The following NXPE2 variants were observed in gnomAD, a reference collection of about 807,000 sequenced individuals.
The protein encoded by NXPE2 is NXPE family member 2.
A neutral mutation model predicts 34.4 loss-of-function variants in NXPE2; 34 were observed. The ratio of observed to expected loss-of-function variants is 0.99; its 90% CI spans 0.75 to 1.31. The LOEUF is 1.31. Among genes scored for constraint, NXPE2 ranks in the 40% most tolerant of loss-of-function variants. NXPE2 has a pLI of 0.00. For missense variants in NXPE2, 649 were observed against 672.5 expected, an observed-to-expected ratio of 0.97 and a Z score of 0.39; for synonymous variants, 235 against 231.3, an observed-to-expected ratio of 1.02 and a Z score of -0.15.
the NXPE2 span, among the ~76,000 whole-genome samples, chr11:114,774,433 G>A: frequency 6.6e-6 from 1 of 152,200 alleles, no homozygotes; most frequent in Non-Finnish European, 1.5e-5. Flanking sequence ...GAAGCAAGAT[G>A]TGAAGGAGGC....
chr11:114,566,286 T>C, the NXPE2 span, among the ~76,000 whole-genome samples: 3 of 151,978 alleles, frequency 2.0e-5, no homozygotes, highest in Admixed American at 6.6e-5. Flanking sequence ...AGTGGATGCA[T>C]AGGAATGAAC....
chr11:114,633,416 G>T, the NXPE2 span, among the ~76,000 whole-genome samples: 2 of 142,342 alleles, frequency 1.4e-5, no homozygotes, highest in Admixed American at 7.3e-5. Context: ...TTTATTATAT[G>T]TTATATACAA....
the NXPE2 span, among the ~76,000 whole-genome samples, chr11:114,465,695 A>G: frequency 6.6e-5 from 10 of 152,170 alleles, no homozygotes; most frequent in Non-Finnish European, 1.2e-4. Context: ...TTACAATAAA[A>G]ATACAATAAC....
At position 114,706,632 on chromosome 11, in the gene NXPE2, T is replaced by G. The variant is rs2135576015; in HGVS notation, c.1382T>G (p.Ile461Ser). 1 of 1,551,888 alleles carries G rather than the reference T, an allele frequency of 6.4e-7. No individual in the cohort carries two copies. Among genetic ancestry groups the G allele is most frequent in the South Asian group, 1.2e-5 (1 of 84,056 alleles). The change falls in exon 6 of 6, where the codon ATT becomes AGT. Residue 461 changes from isoleucine (I) to serine (S), a missense_variant. By Grantham distance (142) the Ile-to-Ser change is moderately radical. Transcript: ENST00000389586. ...CACTTCAGACCCTTTCCCATCAACA[T>G]TTTCATCCGTAGGGCCATCAATATT... Reference protein sequence around the residue: ...GQHFRPFPINIFIRRAINIQK... With the variant: ...GQHFRPFPINSFIRRAINIQK...
rs766428797 is a variant in NXPE2 at position 114,698,610 on chromosome 11, T to C, written c.698T>C (p.Leu233Pro). ...RSSNVFTECG[L>P]TLNTNAELCQ... ...TCCAATGTCTTCACTGAATGTGGCC[T>C]GACCCTAAACACAAATGCTGAACTG... The change falls in exon 3 of 6, where the codon CTG becomes CCG. Residue 233 changes from leucine to proline, a missense_variant. Transcript: ENST00000389586. 15 of 1,614,094 alleles carry C rather than the reference T, an allele frequency of 9.3e-6. No homozygotes were observed. The highest frequency in any genetic ancestry group is 1.3e-5 in the African/African-American group (1 of 74,936).
chr11:114,679,954 G>T (rs78219111), intron 2 of NXPE2, among the ~76,000 whole-genome samples, 192 bp downstream of exon 2: 2,127 of 152,172 alleles, frequency 0.014, 37 homozygotes, highest in African/African-American at 0.049. Flanking sequence ...AAATGGCAAT[G>T]TATACATTAT....
At chr11:114,727,774 AACACACACAC>A in the NXPE2 span, among the ~76,000 whole-genome samples, 641 of 127,632 alleles carry the variant, frequency 5.0e-3, 5 homozygotes, top group African/African-American at 0.014. Flanking sequence ...ATGTGTACAC[AACACACACAC>A]ACACACACAC....
chr11:114,619,524 G>A, the NXPE2 span, among the ~76,000 whole-genome samples: 1 of 148,620 alleles, frequency 6.7e-6, no homozygotes, highest in South Asian at 2.2e-4. Context: ...ACTGTTACCC[G>A]GTGGAGGATA....
the NXPE2 span, among the ~76,000 whole-genome samples, chr11:114,722,097 C>T: frequency 6.6e-6 from 1 of 152,198 alleles, no homozygotes; most frequent in African/African-American, 2.4e-5. Flanking sequence ...CTTATTCTCA[C>T]ATTTCCCAGA....
the NXPE2 span, among the ~76,000 whole-genome samples, chr11:114,659,137 A>C: frequency 4.6e-5 from 7 of 152,196 alleles, no homozygotes; most frequent in South Asian, 8.3e-4. Context: ...ATGGCTCAGG[A>C]GAAGATGTGT....
the NXPE2 span, among the ~76,000 whole-genome samples, chr11:114,807,231 A>G: frequency 1.3e-5 from 2 of 151,904 alleles, no homozygotes; most frequent in East Asian, 3.9e-4. Flanking sequence ...CAGCCACTGC[A>G]AAAACATGCC....
the NXPE2 span, among the ~76,000 whole-genome samples, chr11:114,662,024 A>T: frequency 8.2e-3 from 1,247 of 152,116 alleles, 18 homozygotes; most frequent in African/African-American, 0.028. Context: ...CTCTCCACCT[A>T]CCCCCCGCAA....
chr11:114,793,422 C>A, the NXPE2 span, among the ~76,000 whole-genome samples: 1,008 of 151,974 alleles, frequency 6.6e-3, 7 homozygotes, highest in African/African-American at 0.023. Context: ...CTGTCATTTT[C>A]TTGGGTAAGA....
At chr11:114,644,959 T>C in the NXPE2 span, among the ~76,000 whole-genome samples, 1 of 151,728 alleles carries the variant, frequency 6.6e-6, no homozygotes, top group Non-Finnish European at 1.5e-5. Context: ...TGTCATGACA[T>C]ATTGATGAAA....
chr11:114,582,255 G>A, the NXPE2 span: 1 of 1,529,202 alleles, frequency 6.5e-7, no homozygotes, highest in Non-Finnish European at 8.8e-7. Context: ...CACAATATTT[G>A]CACAGGTAGT....
At chr11:114,555,065 G>A in the NXPE2 span, among the ~76,000 whole-genome samples, 1 of 151,222 alleles carries the variant, frequency 6.6e-6, no homozygotes, top group African/African-American at 2.4e-5. Flanking sequence ...TGGCAGTCCA[G>A]CCTGTCTACA....
At chr11:114,717,356 G>A in the NXPE2 span, among the ~76,000 whole-genome samples, 1 of 152,122 alleles carries the variant, frequency 6.6e-6, no homozygotes, top group Non-Finnish European at 1.5e-5. Flanking sequence ...TTCCATGGCT[G>A]ATTTTAAGCT....
chr11:114,736,903 C>T, the NXPE2 span, among the ~76,000 whole-genome samples: 108 of 152,296 alleles, frequency 7.1e-4, no homozygotes, highest in African/African-American at 2.4e-3. Context: ...CCTGACTTCC[C>T]GCAACAGTGC....
chr11:114,735,871 C>T, the NXPE2 span, among the ~76,000 whole-genome samples: 1 of 152,146 alleles, frequency 6.6e-6, no homozygotes, highest in Non-Finnish European at 1.5e-5. Flanking sequence ...AAAATTCACC[C>T]CCGATATTTC....
Sources: allele counts gnomAD v4.1 joint callset (sites outside exome capture counted in the v4.1 genomes callset), GRCh38; gene constraint gnomAD v4.1.1; transcripts MANE v1.5; gene names NCBI Gene and HGNC (gene_info 2026-07-23, HGNC 2026-07-21).